The following BABAM2 variants were observed in gnomAD, a reference collection of about 807,000 sequenced individuals.
The protein encoded by BABAM2 is BRISC and BRCA1-A complex member 2.
A neutral mutation model predicts 54.7 loss-of-function variants in BABAM2; 31 were observed. That is an observed-to-expected ratio of 0.57 (90% CI 0.43 to 0.77). The LOEUF is 0.77. BABAM2 is among the 30% of genes least tolerant of loss of function. BABAM2 has a pLI of 0.00. For missense variants in BABAM2, 364 were observed against 455.8 expected, an observed-to-expected ratio of 0.80 and a Z score of 1.83; for synonymous variants, 167 against 162.9, an observed-to-expected ratio of 1.03 and a Z score of -0.19.
chr2:27,889,614 A>G (rs138446982), upstream of BABAM2, among the ~76,000 whole-genome samples: 4 of 152,362 alleles, frequency 2.6e-5, no homozygotes, highest in Admixed American at 6.5e-5. Flanking sequence ...ATTTTCTATC[A>G]TAATTTGATC....
At chr2:28,156,829 G>A (rs368719334) in intron 7 of BABAM2, among the ~76,000 whole-genome samples, 3 of 152,036 alleles carry the variant, frequency 2.0e-5, no homozygotes, top group Non-Finnish European at 2.9e-5. Flanking sequence ...ATGAATATAC[G>A]TAGTCTAGGG....
intron 6 of BABAM2, among the ~76,000 whole-genome samples, chr2:28,105,160 C>T (rs144685018): frequency 0.043 from 6,549 of 151,942 alleles, 159 homozygotes; most frequent in South Asian, 0.12. Flanking sequence ...GCACATTGTG[C>T]GCATGTACCC....
chr2:27,940,484 T>C (rs1668791557), intron 3 of BABAM2, among the ~76,000 whole-genome samples: 1 of 152,218 alleles, frequency 6.6e-6, no homozygotes, highest in Non-Finnish European at 1.5e-5. Flanking sequence ...TCTTTGGATC[T>C]GACAACAATG....
At chr2:28,198,232 C>T (rs1304374849) in intron 7 of BABAM2, among the ~76,000 whole-genome samples, 4 of 151,722 alleles carry the variant, frequency 2.6e-5, no homozygotes, top group African/African-American at 7.3e-5. Context: ...GGTACAATCT[C>T]GGCTCACTGC....
intron 11 of BABAM2, among the ~76,000 whole-genome samples, chr2:28,320,871 G>A (rs1485582612): frequency 6.6e-6 from 1 of 152,212 alleles, no homozygotes; most frequent in Non-Finnish European, 1.5e-5. Flanking sequence ...TGTATATGGG[G>A]GGAGTAGAGT....
intron 3 of BABAM2, among the ~76,000 whole-genome samples, chr2:27,932,998 G>A (rs11891341): frequency 0.025 from 3,799 of 152,214 alleles, 150 homozygotes; most frequent in African/African-American, 0.086. Context: ...ATCATTTAAC[G>A]GGATTGGAGG....
At chr2:27,942,957 C>A (rs1305568066) in intron 3 of BABAM2, among the ~76,000 whole-genome samples, 1 of 151,998 alleles carries the variant, frequency 6.6e-6, no homozygotes, top group African/African-American at 2.4e-5. Context: ...GTGTGCATCA[C>A]CATTTTTTTG....
intron 11 of BABAM2, among the ~76,000 whole-genome samples, chr2:28,327,924 G>C (rs1690618266): frequency 6.6e-6 from 1 of 152,174 alleles, no homozygotes; most frequent in Admixed American, 6.5e-5. Context: ...ACATGAACCA[G>C]TTACAAGCAC....
intron 11 of BABAM2, among the ~76,000 whole-genome samples, chr2:28,318,800 C>T (rs1285791779): frequency 2.0e-5 from 3 of 152,156 alleles, no homozygotes; most frequent in Non-Finnish European, 2.9e-5. Context: ...ATCTGACTGT[C>T]TTCAGTGGCA....
chr2:28,068,525 A>G (rs554966187), intron 6 of BABAM2, among the ~76,000 whole-genome samples: 5 of 152,328 alleles, frequency 3.3e-5, no homozygotes, highest in African/African-American at 4.8e-5. Flanking sequence ...TTTAATTGTG[A>G]AGATGGTGAA....
At chr2:28,026,329 A>C (rs536212302) in intron 5 of BABAM2, among the ~76,000 whole-genome samples, 23 of 152,284 alleles carry the variant, frequency 1.5e-4, no homozygotes, top group African/African-American at 5.5e-4. Flanking sequence ...CTTGGAACCA[A>C]CCCAAATGCC....
Position 28,242,833 on chromosome 2 carries a change from G to A in BABAM2, c.851+1440G>A, listed in dbSNP as rs1027064099. Among the ~76,000 whole-genome samples, 43 of 152,058 alleles carry A rather than the reference G, an allele frequency of 2.8e-4. 1 individual carries two copies. Among genetic ancestry groups the A allele is most frequent in the Non-Finnish European group, 2.9e-5 (2 of 68,024 alleles). On this transcript the variant is annotated intron_variant, in intron 9 of 11. Coordinates refer to ENST00000379624, the MANE Select transcript of BABAM2 (RefSeq NM_199191.3). ...CAAACAGTATGACTGCCTCTCACAT[G>A]AGTCTTTAATACTTAAGATTTTTTT...
intron 3 of BABAM2, among the ~76,000 whole-genome samples, chr2:27,963,090 T>C (rs545675321): frequency 6.6e-6 from 1 of 152,232 alleles, no homozygotes; most frequent in African/African-American, 2.4e-5. Context: ...ATTACTAGAA[T>C]TACCACAGTA....
intron 3 of BABAM2, among the ~76,000 whole-genome samples, chr2:27,959,385 A>C (rs2148425005): frequency 6.6e-6 from 1 of 152,298 alleles, no homozygotes; most frequent in African/African-American, 2.4e-5. Context: ...AAATACTATT[A>C]CTGGATAAAA....
intron 6 of BABAM2, among the ~76,000 whole-genome samples, chr2:28,080,930 A>G (rs1022919182): frequency 6.6e-6 from 1 of 152,202 alleles, no homozygotes; most frequent in South Asian, 2.1e-4. Flanking sequence ...TGTGAGCACA[A>G]TTGTCTAAGA....
intron 10 of BABAM2, among the ~76,000 whole-genome samples, chr2:28,247,719 G>T (rs1683028360): frequency 6.6e-6 from 1 of 152,138 alleles, no homozygotes; most frequent in Non-Finnish European, 1.5e-5. Context: ...ATTCTCCTCG[G>T]GCCCAGGATA....
intron 11 of BABAM2, among the ~76,000 whole-genome samples, chr2:28,302,037 C>T (rs1438585868): frequency 6.6e-6 from 1 of 152,094 alleles, no homozygotes; most frequent in Non-Finnish European, 1.5e-5. Context: ...TTAGATACTT[C>T]TAAATGAAAT....
At chr2:28,161,116 C>A (rs573607490) in intron 7 of BABAM2, among the ~76,000 whole-genome samples, 4 of 152,268 alleles carry the variant, frequency 2.6e-5, no homozygotes, top group African/African-American at 7.2e-5. Context: ...ATTGCATAAA[C>A]CAGCCAGACG....
In BABAM2 at chr2:28,281,202, G is replaced by C. The variant is rs142429471; in HGVS notation, c.935-17136G>C. ...CTGCCCCCACCGGCATTCAAGGATT[G>C]TATTTTTATCCAGGAGACCTGGGCT... On this transcript the variant is annotated intron_variant, in intron 10 of 11. Transcript: ENST00000379624. Among the ~76,000 whole-genome samples, 153 of 152,280 alleles carry C rather than the reference G, an allele frequency of 1.0e-3. 1 individual carries two copies. Among genetic ancestry groups the C allele is most frequent in the African/African-American group, 3.5e-3 (145 of 41,552 alleles).
Sources: gnomAD v4.1 joint callset for allele counts (sites outside exome capture counted in the v4.1 genomes callset) on GRCh38, gnomAD v4.1.1 for gene constraint, MANE v1.5 for transcripts, NCBI Gene and HGNC (gene_info 2026-07-23, HGNC 2026-07-21) for gene names.